WWC1: variants seen among roughly 807,000 people sequenced by gnomAD.
The protein encoded by WWC1 is WW and C2 domain containing 1, also known as protein KIBRA.
In WWC1, 55 loss-of-function variants were observed where a neutral mutation model predicts 138.4. The ratio of observed to expected loss-of-function variants is 0.40; its 90% CI spans 0.32 to 0.50. The LOEUF (loss-of-function observed/expected upper bound fraction) is 0.50. Among genes scored for constraint, WWC1 ranks in the 20% least tolerant of loss-of-function variants. The probability of loss-of-function intolerance (pLI) is 0.72; values close to 1 mark genes in which losing one functional copy is unlikely to be tolerated. For missense variants in WWC1, 1,226 were observed against 1,420.4 expected, an observed-to-expected ratio of 0.86 and a Z score of 2.20; for synonymous variants, 524 against 564.9, an observed-to-expected ratio of 0.93 and a Z score of 1.03.
intron 1 of WWC1, among the ~76,000 whole-genome samples, chr5:168,300,529 G>A (rs770518610): frequency 9.7e-5 from 14 of 144,244 alleles, no homozygotes; most frequent in Non-Finnish European, 1.8e-4. Context: ...AGTTTCAAAT[G>A]TCTGCCAAAG....
chr5:168,312,781 C>G (rs1424257896), intron 1 of WWC1, among the ~76,000 whole-genome samples: 1 of 150,414 alleles, frequency 6.6e-6, no homozygotes, highest in Non-Finnish European at 1.5e-5. Flanking sequence ...GCTGCCCACT[C>G]AGGGTAGGTC....
chr5:168,352,332 C>G (rs552488930), intron 1 of WWC1, among the ~76,000 whole-genome samples: 1 of 152,304 alleles, frequency 6.6e-6, no homozygotes, highest in Admixed American at 6.5e-5. Flanking sequence ...TGCTGTGCTT[C>G]AGGTTTATCC....
At chr5:168,313,017 A>G (rs1454875525) in intron 1 of WWC1, among the ~76,000 whole-genome samples, 2 of 151,842 alleles carry the variant, frequency 1.3e-5, no homozygotes, top group Non-Finnish European at 2.9e-5. Context: ...CATGTTTGCC[A>G]GGCTGGTCTC....
chr5:168,423,816 G>C lies in WWC1; in HGVS notation c.1558G>C (p.Ala520Pro). 6.2e-7 allele frequency: 1 copy of C among 1,614,122 alleles called. No homozygotes were observed. The highest frequency in any genetic ancestry group is 8.5e-7 in the Non-Finnish European group (1 of 1,180,008). ...QKAEGGGRLQ[A>P]LRSLSGTPKS... is the part of the protein sequence containing the mutation. Reference sequence around the variant, plus strand: ...GGCAGAGGGAGGTGGCCGCCTGCAGGCTCTGCGTTCCCTGTCTGGCACCCC... The same window carrying C: ...GGCAGAGGGAGGTGGCCGCCTGCAGCCTCTGCGTTCCCTGTCTGGCACCCC... Residue 520 changes from alanine to proline, a missense_variant, in exon 11 of 23, where the codon GCT (alanine) becomes CCT (proline). Physicochemically the swap from Ala to Pro is conservative, Grantham distance 27. Coordinates refer to ENST00000265293, the MANE Select transcript of WWC1 (RefSeq NM_015238.3).
intron 20 of WWC1, among the ~76,000 whole-genome samples, chr5:168,463,485 A>G (rs1249377982): frequency 3.3e-5 from 5 of 152,190 alleles, no homozygotes; most frequent in Admixed American, 3.3e-4. Flanking sequence ...CAGCCAGGAA[A>G]AGCCCAGGCC....
chr5:168,455,612 T>C, intron 19 of WWC1, 92 bp downstream of exon 19: 1 of 1,517,518 alleles, frequency 6.6e-7, no homozygotes, highest in Non-Finnish European at 8.9e-7. Flanking sequence ...CTCATGTTAT[T>C]GGGTGACTTC....
chr5:168,414,309 A>G (rs759889288), intron 8 of WWC1, 39 bp from the exon 9 acceptor site: 4 of 1,607,344 alleles, frequency 2.5e-6, no homozygotes, highest in Non-Finnish European at 3.4e-6. Context: ...CCTCAGTGCC[A>G]TTAGGCACAC....
chr5:168,445,342 CGG>C (rs1219148452), intron 17 of WWC1, among the ~76,000 whole-genome samples: 8 of 151,354 alleles, frequency 5.3e-5, no homozygotes, highest in Non-Finnish European at 8.8e-5. Context: ...CCCAGCTATT[CGG>C]GAGGCTGAGG....
At chr5:168,318,349 T>G (rs1293435250) in intron 1 of WWC1, among the ~76,000 whole-genome samples, 2 of 152,148 alleles carry the variant, frequency 1.3e-5, no homozygotes, top group Admixed American at 6.6e-5. Context: ...TAATATAAAA[T>G]TTACCATTTT....
intron 18 of WWC1, 75 bp from the exon 19 acceptor site, chr5:168,455,281 G>A (rs1489775273): frequency 4.7e-6 from 7 of 1,480,144 alleles, no homozygotes; most frequent in East Asian, 2.5e-5. Flanking sequence ...GGGAAGAGGA[G>A]CAGCTGAGTG....
At chr5:168,418,740 C>G (rs1235232387) in intron 9 of WWC1, among the ~76,000 whole-genome samples, 2 of 152,056 alleles carry the variant, frequency 1.3e-5, no homozygotes, top group African/African-American at 4.8e-5. Flanking sequence ...AAGAGGAAAA[C>G]CAAGGTAAAA....
chr5:168,416,473 T>C (rs1335640030), intron 9 of WWC1: 1 of 152,216 alleles, frequency 6.6e-6, no homozygotes, highest in Non-Finnish European at 1.5e-5. Context: ...GCCTTTAGTG[T>C]TCGTTGAAAG....
At chr5:168,442,559 G>T (rs191474140) in intron 16 of WWC1, among the ~76,000 whole-genome samples, 7 of 151,750 alleles carry the variant, frequency 4.6e-5, no homozygotes, top group African/African-American at 1.7e-4. Context: ...AATCTTGGCC[G>T]GGCGTGGTGA....
intron 3 of WWC1, among the ~76,000 whole-genome samples, chr5:168,387,186 C>T (rs1360756583): frequency 2.6e-5 from 4 of 152,180 alleles, no homozygotes; most frequent in Admixed American, 2.0e-4. Flanking sequence ...TCTGTTGTCC[C>T]CACAGTATTT....
At chr5:168,340,552 T>C (rs1231765242) in intron 1 of WWC1, among the ~76,000 whole-genome samples, 2 of 151,888 alleles carry the variant, frequency 1.3e-5, no homozygotes, top group Admixed American at 1.3e-4. Context: ...ATTTTGCCTA[T>C]CCTGGACATT....
At position 168,374,626 on chromosome 5, in the gene WWC1, G is replaced by A. The variant is rs1777033889; in HGVS notation, c.229+3093G>A. Among the ~76,000 whole-genome samples, 3 of 152,204 alleles carry A rather than the reference G, an allele frequency of 2.0e-5. No individual in the cohort carries two copies. The South Asian group carries it at 6.2e-4, about 32-fold the overall frequency. On this transcript the variant is annotated intron_variant, in intron 2 of 22. Coordinates refer to ENST00000265293, the MANE Select transcript of WWC1 (RefSeq NM_015238.3). ...AGAGGTCAGGCAGTGGTCTGCCCCA[G>A]AGGCCTAGCTCTTCCGCTGTGTGAG...
chr5:168,380,234 G>A (rs1381638525), intron 2 of WWC1, among the ~76,000 whole-genome samples: 17 of 152,088 alleles, frequency 1.1e-4, no homozygotes, highest in Non-Finnish European at 1.5e-5. Flanking sequence ...ACTTGAGCCC[G>A]GGAGTTCACG....
intron 8 of WWC1, 96 bp downstream of exon 8, chr5:168,410,091 T>G: frequency 1.7e-6 from 2 of 1,176,548 alleles, no homozygotes; most frequent in Non-Finnish European, 1.3e-6. Flanking sequence ...ACACTTCGTC[T>G]TCTTTAATCC....
chr5:168,356,424 G>T (rs1205399584), intron 1 of WWC1, among the ~76,000 whole-genome samples: 1 of 152,232 alleles, frequency 6.6e-6, no homozygotes. Flanking sequence ...AGGCTCTTAT[G>T]TGTTGGTGTC....
Sources: gnomAD v4.1 joint callset for allele counts (sites outside exome capture counted in the v4.1 genomes callset) on GRCh38, gnomAD v4.1.1 for gene constraint, MANE v1.5 for transcripts, NCBI Gene and HGNC (gene_info 2026-07-23, HGNC 2026-07-21) for gene names.